PXDNL: variants seen among roughly 807,000 people sequenced by gnomAD.
PXDNL encodes peroxidasin like.
PXDNL carries 145 observed loss-of-function variants against 150.8 expected under a neutral mutation model. The ratio of observed to expected loss-of-function variants is 0.96; its 90% CI spans 0.84 to 1.10. The LOEUF is 1.10. PXDNL is among the 50% of genes least tolerant of loss of function. The pLI is 0.00. For synonymous variants in PXDNL, 757 were observed against 725.7 expected, an observed-to-expected ratio of 1.04 and a Z score of -0.69; for missense variants, 2,087 against 1,873.9, an observed-to-expected ratio of 1.11 and a Z score of -2.10.
At chr8:51,567,478 T>C (rs1409839917) in intron 3 of PXDNL, among the ~76,000 whole-genome samples, 6 of 151,876 alleles carry the variant, frequency 4.0e-5, no homozygotes, top group Admixed American at 3.9e-4. Flanking sequence ...GATTGCTGTG[T>C]CATCTTGGAA....
intron 1 of PXDNL, among the ~76,000 whole-genome samples, chr8:51,795,952 C>CT (rs2037556223): frequency 6.6e-6 from 1 of 152,222 alleles, no homozygotes; most frequent in Admixed American, 6.5e-5. Flanking sequence ...AAAGGTTGGT[C>CT]TTAAGACCAC....
intron 1 of PXDNL, among the ~76,000 whole-genome samples, chr8:51,788,895 C>CAG (rs1174638740): frequency 3.3e-5 from 5 of 152,216 alleles, no homozygotes; most frequent in Non-Finnish European, 7.3e-5. Context: ...AACTGCCTTC[C>CAG]AGAGCACCAA....
chr8:51,352,855 A>G (rs1488714435), intron 19 of PXDNL, among the ~76,000 whole-genome samples: 1 of 152,206 alleles, frequency 6.6e-6, no homozygotes, highest in Admixed American at 6.5e-5. Context: ...TCAGAAACAT[A>G]AAAGCAAATA....
intron 12 of PXDNL, among the ~76,000 whole-genome samples, chr8:51,429,668 C>T (rs1175425243): frequency 6.8e-6 from 1 of 148,120 alleles, no homozygotes; most frequent in Non-Finnish European, 1.5e-5. Context: ...CTGTCTTCCT[C>T]GTGTTCTTTT....
rs986519710 is a variant in PXDNL, at chr8:51,496,750, G to A, written c.452+2949C>T. ...TGCAAGGGACGTGAAGGACCCCCAA[G>A]GAGAACTACAAACCACTGCTCAATG... On this transcript the variant is annotated intron_variant, in intron 5 of 22. Coordinates refer to ENST00000356297, the MANE Select transcript of PXDNL (RefSeq NM_144651.5). Among the ~76,000 whole-genome samples the A allele has an allele frequency of 3.3e-5, 5 of 152,024 alleles. 1 individual carries two copies. In the East Asian group the frequency reaches 9.6e-4, roughly 29 times the overall value.
At chr8:51,464,050 C>A (rs904733970) in intron 8 of PXDNL, among the ~76,000 whole-genome samples, 3 of 151,230 alleles carry the variant, frequency 2.0e-5, no homozygotes, top group Non-Finnish European at 2.9e-5. Flanking sequence ...AATAAACTAA[C>A]CCAAAAGTGA....
intron 1 of PXDNL, among the ~76,000 whole-genome samples, chr8:51,749,339 T>A (rs193116153): frequency 7.1e-4 from 108 of 152,316 alleles, no homozygotes; most frequent in Non-Finnish European, 1.2e-3. Context: ...GCACACATCA[T>A]AGAGTGTCCT....
chr8:51,397,900 C>A (rs182326971), intron 17 of PXDNL, among the ~76,000 whole-genome samples: 1 of 151,968 alleles, frequency 6.6e-6, no homozygotes, highest in South Asian at 2.1e-4. Flanking sequence ...TGCTATCCCT[C>A]CCCCCTCCAC....
intron 1 of PXDNL, among the ~76,000 whole-genome samples, chr8:51,655,950 T>G (rs1477007906): frequency 1.3e-5 from 2 of 152,144 alleles, no homozygotes; most frequent in Non-Finnish European, 2.9e-5. Context: ...ACTTTCCAGA[T>G]CCCTGACACC....
intron 1 of PXDNL, among the ~76,000 whole-genome samples, chr8:51,658,344 G>GACAA (rs1815195161): frequency 1.1e-5 from 1 of 94,232 alleles, no homozygotes; most frequent in Non-Finnish European, 2.1e-5. Flanking sequence ...CCTGTCTCAA[G>GACAA]AAAAAAAAAA....
At chr8:51,343,975 T>A (rs1248890971) in intron 20 of PXDNL, among the ~76,000 whole-genome samples, 1 of 152,178 alleles carries the variant, frequency 6.6e-6, no homozygotes, top group Non-Finnish European at 1.5e-5. Context: ...ATATTTCATT[T>A]CCTCACCCTG....
intron 8 of PXDNL, among the ~76,000 whole-genome samples, chr8:51,464,137 G>C (rs1407016312): frequency 6.6e-6 from 1 of 152,152 alleles, no homozygotes; most frequent in East Asian, 1.9e-4. Flanking sequence ...GCTGAGGCAG[G>C]AGGACTTTTT....
intron 1 of PXDNL, among the ~76,000 whole-genome samples, chr8:51,671,116 G>GT (rs2130829050): frequency 6.6e-6 from 1 of 152,284 alleles, no homozygotes; most frequent in Admixed American, 6.5e-5. Flanking sequence ...ACTTGAACTA[G>GT]TATGAATTTT....
intron 19 of PXDNL, among the ~76,000 whole-genome samples, chr8:51,364,743 T>C (rs999925967): frequency 6.6e-6 from 1 of 152,174 alleles, no homozygotes; most frequent in Non-Finnish European, 1.5e-5. Flanking sequence ...CATCATAGGT[T>C]AAAGAGAACA....
chr8:51,426,607 G>A (rs533453410), intron 13 of PXDNL, 39 bp downstream of exon 13: 23 of 1,157,824 alleles, frequency 2.0e-5, no homozygotes, highest in Non-Finnish European at 2.8e-5. Flanking sequence ...ACATCTGTCA[G>A]TGTTTTTAAT....
At chr8:51,372,424 G>A (rs1807151696) in intron 18 of PXDNL, among the ~76,000 whole-genome samples, 1 of 151,892 alleles carries the variant, frequency 6.6e-6, no homozygotes, top group Non-Finnish European at 1.5e-5. Context: ...TCACTCTGTA[G>A]CCCAGGTTGG....
chr8:51,715,900 CA>C (rs1816607891), intron 1 of PXDNL, among the ~76,000 whole-genome samples: 1 of 151,146 alleles, frequency 6.6e-6, no homozygotes, highest in South Asian at 2.1e-4. Context: ...GAAAGTTCAA[CA>C]GAAGTTTAAA....
At chr8:51,663,343 T>C (rs1169578291) in intron 1 of PXDNL, among the ~76,000 whole-genome samples, 1 of 152,204 alleles carries the variant, frequency 6.6e-6, no homozygotes, top group African/African-American at 2.4e-5. Context: ...CCTGATTTCC[T>C]TGTTAGTACA....
chr8:51,688,280 C>T (rs1266530006), intron 1 of PXDNL, among the ~76,000 whole-genome samples: 1 of 151,500 alleles, frequency 6.6e-6, no homozygotes, highest in Non-Finnish European at 1.5e-5. Flanking sequence ...CATAGTCAGG[C>T]AAAGAGACTG....
Sources: allele counts gnomAD v4.1 joint callset (sites outside exome capture counted in the v4.1 genomes callset), GRCh38; gene constraint gnomAD v4.1.1; transcripts MANE v1.5; gene names NCBI Gene and HGNC (gene_info 2026-07-23, HGNC 2026-07-21).